Variants in THAP3 observed in about 807,000 individuals in gnomAD.
The protein encoded by THAP3 is THAP domain-containing protein 3.
Under a neutral mutation model 17.7 loss-of-function variants are expected in THAP3, and 12 were observed. The observed-to-expected ratio is 0.68, with a 90% CI of 0.43 to 1.10. The LOEUF (loss-of-function observed/expected upper bound fraction) is 1.10. Among genes scored for constraint, THAP3 ranks in the 50% least tolerant of loss-of-function variants. THAP3 has a pLI of 0.00. For missense variants in THAP3, 289 were observed against 318.0 expected, an observed-to-expected ratio of 0.91 and a Z score of 0.69; for synonymous variants, 133 against 126.9, an observed-to-expected ratio of 1.05 and a Z score of -0.32.
At position 6,630,246 on chromosome 1, in the gene THAP3, G is replaced by A. The variant is rs1047057256; in HGVS notation, c.268-42G>A. 4.4e-6 allele frequency: 7 copies of A among 1,584,242 alleles called. 1 individual carries two copies. Among genetic ancestry groups the A allele is most frequent in the Non-Finnish European group, 6.1e-6 (7 of 1,152,764 alleles). On this transcript the variant is annotated intron_variant, in intron 3 of 5. Coordinates refer to ENST00000054650, the MANE Select transcript of THAP3 (RefSeq NM_001195753.2). ...CCCGAGGCCTGCCCCGAGCTCTGAG[G>A]GTTCTTGGGGTCTGCATCCACTCTG...
Position 6,633,312 on chromosome 1 carries a change from C to G in THAP3, c.*235C>G. 7.1e-7 allele frequency: 1 copy of G among 1,404,382 alleles called. No homozygotes were observed. The highest frequency in any genetic ancestry group is 9.2e-7 in the Non-Finnish European group (1 of 1,081,406). 87.0% of individuals were successfully genotyped at this position (1,404,382 alleles called of 1,614,324 possible). A position where few individuals can be genotyped will look rare whatever the true frequency, so the allele number is the denominator to read the frequency against. On this transcript the variant is annotated 3_prime_UTR_variant, in exon 6 of 6. Coordinates refer to ENST00000054650, the MANE Select transcript of THAP3 (RefSeq NM_001195753.2). ...CATCTGTGAGCATGACAAGCTTATC[C>G]TCCCATGGTAACAGAAGTCCAGGCT...
rs1417160192 is a variant in THAP3, at chr1:6,625,125, C to A, written c.-69-25C>A. 7 of 1,383,230 alleles carry A rather than the reference C, an allele frequency of 5.1e-6. No individual in the cohort carries two copies. In the African/African-American group the frequency reaches 6.0e-5, roughly 12 times the overall value. The allele number at this position is 1,383,230 out of a possible 1,614,324, so 85.7% of individuals were successfully genotyped here. ...GGCGAGCCAGGCCCGTCACCACCTC[C>A]CAGCGGCCCCGCCCCTCCCCGCAGG... On this transcript the variant is annotated intron_variant, in intron 1 of 5. Transcript: ENST00000054650.
Position 6,628,692 on chromosome 1 carries a change from G to A in THAP3, c.267+1G>A. 6.2e-7 allele frequency: 1 copy of A among 1,611,670 alleles called. No individual in the cohort carries two copies. Among genetic ancestry groups the A allele is most frequent in the Admixed American group, 1.7e-5 (1 of 59,798 alleles). On this transcript the variant is annotated splice_donor_variant, in intron 3 of 5. Transcript: ENST00000054650. LOFTEE classifies it high-confidence loss of function. ...GTTCGCCTTTCAGGACCCCACACAG[G>A]TAGGAGGGCACTGCACCTTCCGTCT...
Position 6,628,548 on chromosome 1 carries a change from G to T in THAP3, c.124G>T (p.Gly42Cys). ...GCTGAAGGAATGGGTGCTGAACATC[G>T]GCCGGGGCAACTTCAAGCCCAAGCA... Reference protein sequence around the residue: ...ELLKEWVLNIGRGNFKPKQHT... With the variant: ...ELLKEWVLNICRGNFKPKQHT... The change falls in exon 3 of 6, where the codon GGC (glycine) becomes TGC (cysteine). Residue 42 changes from glycine (G) to cysteine (C), a missense_variant. Gly to Cys is a radical substitution (Grantham distance 159, BLOSUM62 -3). Transcript: ENST00000054650. 1 of 1,613,734 alleles carries T rather than the reference G, an allele frequency of 6.2e-7. No homozygotes were observed. The highest frequency in any genetic ancestry group is 1.3e-5 in the African/African-American group (1 of 75,020).
At chr1:6,631,038 C>T (rs530684145) in intron 4 of THAP3, among the ~76,000 whole-genome samples, 25 of 152,230 alleles carry the variant, frequency 1.6e-4, no homozygotes, top group African/African-American at 5.5e-4. Context: ...CAGGGTCTCA[C>T]TCTGTTGCTC....
Position 6,626,351 on chromosome 1 carries a change from C to G in THAP3, c.74+1059C>G, listed in dbSNP as rs186325195. Among the ~76,000 whole-genome samples the G allele has an allele frequency of 1.5e-3, 235 of 152,128 alleles. 1 individual carries two copies. Among genetic ancestry groups the G allele is most frequent in the African/African-American group, 5.5e-3 (229 of 41,496 alleles). On this transcript the variant is annotated intron_variant, in intron 2 of 5. Coordinates refer to ENST00000054650, the MANE Select transcript of THAP3 (RefSeq NM_001195753.2). The stretch of plus-strand genomic sequence containing the variant: ...TCACTACCCCCGAGAAGAACCCCTA[C>G]CTGGACCCCCTCCCAGGCCCTCCTC...
At chr1:6,631,886 CAAG>C (rs1641624489) in intron 4 of THAP3, among the ~76,000 whole-genome samples, 1 of 148,724 alleles carries the variant, frequency 6.7e-6, no homozygotes, top group South Asian at 2.1e-4. Flanking sequence ...AACTCCATCT[CAAG>C]AAAAAAAAAA....
chr1:6,624,918 G>A lies in THAP3; in HGVS notation c.-106G>A. The stretch of plus-strand genomic sequence containing the variant: ...TATGCGTCCTGGTTGGGTGCTCAAA[G>A]CAAGGAGGTGAAAGGCGACCAGCAT... On this transcript the variant is annotated 5_prime_UTR_variant, in exon 1 of 6. Coordinates refer to ENST00000054650, the MANE Select transcript of THAP3 (RefSeq NM_001195753.2). The A allele has an allele frequency of 2.3e-6, 1 of 435,680 alleles. No individual in the cohort carries two copies. Among genetic ancestry groups the A allele is most frequent in the Non-Finnish European group, 4.1e-6 (1 of 241,522 alleles). 27.0% of individuals were successfully genotyped at this position (435,680 alleles called of 1,614,324 possible).
In THAP3 at chr1:6,632,261, G is replaced by A. The variant is rs932012396; in HGVS notation, c.334-130G>A. On this transcript the variant is annotated intron_variant, in intron 4 of 5. Coordinates refer to ENST00000054650, the MANE Select transcript of THAP3 (RefSeq NM_001195753.2). ...CCAGGGTGTGTGCTAGGGAGAAGCT[G>A]GCTGTGGAGGGGCACAGACCCTGGA... The A allele has an allele frequency of 2.4e-5, 30 of 1,244,010 alleles. No individual in the cohort carries two copies. In the African/African-American group the frequency reaches 3.9e-4, roughly 16 times the overall value. 77.1% of individuals were successfully genotyped at this position (1,244,010 alleles called of 1,614,324 possible). A position where few individuals can be genotyped will look rare whatever the true frequency, so the allele number is the denominator to read the frequency against.
At chr1:6,625,113 C>T (rs1008745524) in intron 1 of THAP3, 37 bp from the exon 2 acceptor site, 3 of 1,298,246 alleles carry the variant, frequency 2.3e-6, no homozygotes, top group Non-Finnish European at 3.1e-6. Flanking sequence ...GAGCCAGGCC[C>T]GTCACCACCT....
chr1:6,633,215 A>G lies in THAP3; in HGVS notation c.*138A>G. The stretch of plus-strand genomic sequence containing the variant: ...GGCCTGCTTGGCCGGGGATCGAGAC[A>G]GTAGCCAAGCTCCCCGGCGAGAGCC... On this transcript the variant is annotated 3_prime_UTR_variant, in exon 6 of 6. Transcript: ENST00000054650. 6.9e-7 allele frequency: 1 copy of G among 1,451,188 alleles called. No homozygotes were observed. The highest frequency in any genetic ancestry group is 1.5e-5 in the South Asian group (1 of 67,570). The allele number at this position is 1,451,188 out of a possible 1,614,324, so 89.9% of individuals were successfully genotyped here. A position where few individuals can be genotyped will look rare whatever the true frequency, so the allele number is the denominator to read the frequency against.
At position 6,625,213 on chromosome 1, in the gene THAP3, C is replaced by T; in HGVS notation, c.-6C>T. 6.5e-7 allele frequency: 1 copy of T among 1,540,816 alleles called. No individual in the cohort carries two copies. The highest frequency in any genetic ancestry group is 8.7e-7 in the Non-Finnish European group (1 of 1,144,986). ...CTTTGTTGGGGGCAGCCAGGCCTGGCTCGAGATGCCGAAGTCGTGCGCGGC... is the reference window on the plus strand; with the variant it reads ...CTTTGTTGGGGGCAGCCAGGCCTGGTTCGAGATGCCGAAGTCGTGCGCGGC... On this transcript the variant is annotated 5_prime_UTR_variant, in exon 2 of 6. Coordinates refer to ENST00000054650, the MANE Select transcript of THAP3 (RefSeq NM_001195753.2).
rs759983983 is a variant in THAP3 at position 6,632,509 on chromosome 1, CA to C, written c.438+17del. 21 of 1,613,934 alleles carry C rather than the reference CA, an allele frequency of 1.3e-5. No homozygotes were observed. The Admixed American group carries it at 3.5e-4, about 27-fold the overall frequency. On this transcript the variant is annotated intron_variant, in intron 5 of 5. Coordinates refer to ENST00000054650, the MANE Select transcript of THAP3 (RefSeq NM_001195753.2). ...CACGTAAAACAGGTAAGACTGAGTG[CA>C]AAGGTGGTCTGTGGTTGGACACAAG... is the stretch of plus-strand genomic sequence containing the variant.
Sources: allele counts gnomAD v4.1 joint callset (sites outside exome capture counted in the v4.1 genomes callset), GRCh38; gene constraint gnomAD v4.1.1; transcripts MANE v1.5; gene names NCBI Gene and HGNC (gene_info 2026-07-23, HGNC 2026-07-21).